Variants in AHCYL2 observed in about 807,000 individuals in gnomAD.
AHCYL2 encodes the protein S-adenosylhomocysteine hydrolase-like protein 2.
Under a neutral mutation model 81.4 loss-of-function variants are expected in AHCYL2, and 28 were observed. That is an observed-to-expected ratio of 0.34 (90% CI 0.25 to 0.47). AHCYL2 has a LOEUF of 0.47. Ranked by LOEUF, AHCYL2 falls within the 20% of genes least tolerant of loss-of-function variation. AHCYL2 has a pLI of 1.00. For synonymous variants in AHCYL2, 272 were observed against 290.2 expected (o/e 0.94, Z 0.64); for missense variants, 551 against 785.1 (o/e 0.70, Z 3.56).
intron 1 of AHCYL2, among the ~76,000 whole-genome samples, chr7:129,262,405 G>A (rs578146462): frequency 1.3e-5 from 2 of 152,322 alleles, no homozygotes; most frequent in East Asian, 3.9e-4. Flanking sequence ...ACAGAGAAAA[G>A]GCAGTATTAG....
chr7:129,250,138 CA>C (rs958053776), intron 1 of AHCYL2, among the ~76,000 whole-genome samples: 38 of 148,266 alleles, frequency 2.6e-4, no homozygotes, highest in African/African-American at 5.9e-4. Context: ...CCATCTCTTC[CA>C]AAAAAAAAAG....
chr7:129,292,757 ACT>A (rs960580423), intron 1 of AHCYL2, among the ~76,000 whole-genome samples: 3 of 151,714 alleles, frequency 2.0e-5, no homozygotes, highest in Non-Finnish European at 2.9e-5. Flanking sequence ...ACAGAGTGAG[ACT>A]CTGTCTTAAA....
chr7:129,256,479 T>C (rs931536440), intron 1 of AHCYL2, among the ~76,000 whole-genome samples: 5 of 150,558 alleles, frequency 3.3e-5, no homozygotes, highest in African/African-American at 4.9e-5. Context: ...TTTGAAAATA[T>C]ACAAAAGGTA....
chr7:129,391,916 A>G (rs968774227), intron 4 of AHCYL2, among the ~76,000 whole-genome samples: 2 of 152,184 alleles, frequency 1.3e-5, no homozygotes, highest in African/African-American at 4.8e-5. Context: ...GGAGCTACAA[A>G]CTAATGAATC....
intron 1 of AHCYL2, among the ~76,000 whole-genome samples, chr7:129,239,837 C>G (rs13235749): frequency 0.25 from 38,387 of 151,438 alleles, 4,951 homozygotes; most frequent in East Asian, 0.42. Flanking sequence ...AGAGACACTT[C>G]CCCCATATAT....
At chr7:129,251,955 T>C (rs757944991) in intron 1 of AHCYL2, among the ~76,000 whole-genome samples, 3 of 152,186 alleles carry the variant, frequency 2.0e-5, no homozygotes, top group Admixed American at 6.6e-5. Context: ...TTTAATCTCT[T>C]CTGTTTATCT....
intron 4 of AHCYL2, among the ~76,000 whole-genome samples, chr7:129,393,153 A>C (rs939994002): frequency 5.3e-5 from 8 of 152,234 alleles, no homozygotes; most frequent in Admixed American, 2.0e-4. Context: ...GTGATGGCTC[A>C]CGCCTGTAAT....
At chr7:129,378,487 C>T (rs1421118419) in intron 1 of AHCYL2, among the ~76,000 whole-genome samples, 2 of 152,120 alleles carry the variant, frequency 1.3e-5, no homozygotes, top group African/African-American at 4.8e-5. Flanking sequence ...CACATTGTCT[C>T]ATTGAACCCT....
intron 1 of AHCYL2, among the ~76,000 whole-genome samples, chr7:129,357,943 A>G (rs530993123): frequency 2.0e-5 from 3 of 150,898 alleles, no homozygotes; most frequent in African/African-American, 7.3e-5. Context: ...CAAAAAAAAA[A>G]AAAAAGAAAG....
chr7:129,426,493 G>C lies in AHCYL2; in HGVS notation c.1759G>C (p.Glu587Gln). The change falls in exon 16 of 17, where the codon GAG becomes CAG. Residue 587 changes from glutamate (E) to glutamine (Q), a missense_variant. Physicochemically the swap from Glu to Gln is conservative, Grantham distance 29. Coordinates refer to ENST00000325006, the MANE Select transcript of AHCYL2 (RefSeq NM_015328.4). This position sits in a 1 kb window ranked among gnomAD's most constrained non-coding sequence, Gnocchi z 4.3. ...HLPTFDAHLT[E>Q]LTDEQAKYLG... The stretch of plus-strand genomic sequence containing the variant: ...GCCTACCTTTGATGCCCACTTGACA[G>C]AGCTGACAGATGAACAGGCCAAGTA... The C allele has an allele frequency of 6.2e-7, 1 of 1,614,104 alleles. No homozygotes were observed. The highest frequency in any genetic ancestry group is 8.5e-7 in the Non-Finnish European group (1 of 1,179,972).
chr7:129,410,322 C>T, intron 11 of AHCYL2: 3 of 1,614,232 alleles, frequency 1.9e-6, no homozygotes, highest in African/African-American at 1.3e-5. Context: ...TCAAACTCTT[C>T]AATGTCATCA....
In AHCYL2 at chr7:129,368,605, A is replaced by G. The variant is rs149028736; in HGVS notation, c.364-11033A>G. On this transcript the variant is annotated intron_variant, in intron 1 of 16. Coordinates refer to ENST00000325006, the MANE Select transcript of AHCYL2 (RefSeq NM_015328.4). This position sits in a 1 kb window ranked among gnomAD's most constrained non-coding sequence, Gnocchi z 4.4. ...TTCTGTTTCTTGATAATGAGAGGCA[A>G]CCATTTCTGACGGGTGACAAGGATC... 2 of 1,596,060 alleles carry G rather than the reference A, an allele frequency of 1.3e-6. No homozygotes were observed. The highest frequency in any genetic ancestry group is 1.3e-5 in the African/African-American group (1 of 74,514).
At chr7:129,403,357 T>C in intron 6 of AHCYL2, 22 bp from the exon 7 acceptor site, 1 of 1,529,618 alleles carries the variant, frequency 6.5e-7, no homozygotes, top group Non-Finnish European at 9.0e-7. Context: ...GTGAATGATG[T>C]TATTGATGCT....
At position 129,406,539 on chromosome 7, in the gene AHCYL2, C is replaced by G; in HGVS notation, c.1295+73C>G. ...AAAGAATGGCCTGGTTGATGCCACACTTTATTTTAGAGGAGCCCAGATCCT... is the reference window on the plus strand; with the variant it reads ...AAAGAATGGCCTGGTTGATGCCACAGTTTATTTTAGAGGAGCCCAGATCCT... On this transcript the variant is annotated intron_variant, in intron 10 of 16. Transcript: ENST00000325006. This position sits in a 1 kb window ranked among gnomAD's most constrained non-coding sequence, Gnocchi z 4.3. 6.9e-7 allele frequency: 1 copy of G among 1,446,188 alleles called. No homozygotes were observed. The highest frequency in any genetic ancestry group is 1.7e-5 in the Admixed American group (1 of 59,592). The allele number at this position is 1,446,188 out of a possible 1,614,324, so 89.6% of individuals were successfully genotyped here.
intron 1 of AHCYL2, among the ~76,000 whole-genome samples, chr7:129,337,870 A>C (rs955452577): frequency 1.3e-5 from 2 of 151,980 alleles, no homozygotes; most frequent in Non-Finnish European, 2.9e-5. Flanking sequence ...CAGCCTCCCA[A>C]GTAGCTGGAA....
At chr7:129,253,172 A>C (rs1351888949) in intron 1 of AHCYL2, among the ~76,000 whole-genome samples, 1 of 151,572 alleles carries the variant, frequency 6.6e-6, no homozygotes, top group Non-Finnish European at 1.5e-5. Flanking sequence ...GTACCACTGC[A>C]CTCCAGCCTG....
In AHCYL2 at chr7:129,305,536, T is replaced by C. The variant is rs548215310; in HGVS notation, c.364-74102T>C. On this transcript the variant is annotated intron_variant, in intron 1 of 16. Coordinates refer to ENST00000325006, the MANE Select transcript of AHCYL2 (RefSeq NM_015328.4). Reference sequence around the variant, plus strand: ...CCCCACTTTCTAATTTTTTGTTGTTTCTATTTATATCTTATTGTACTGTGT... The same window carrying C: ...CCCCACTTTCTAATTTTTTGTTGTTCCTATTTATATCTTATTGTACTGTGT... 2.0e-5 allele frequency among the ~76,000 whole-genome samples: 3 copies of C among 152,334 alleles called. 1 individual carries two copies. In the East Asian group the frequency reaches 5.8e-4, roughly 29 times the overall value.
intron 1 of AHCYL2, among the ~76,000 whole-genome samples, chr7:129,281,464 A>G (rs542034795): frequency 7.0e-4 from 48 of 68,382 alleles, no homozygotes; most frequent in African/African-American, 2.7e-3. Flanking sequence ...GTTGCTTTGT[A>G]TTTTATTAGT....
At chr7:129,262,723 T>C (rs1391181797) in intron 1 of AHCYL2, among the ~76,000 whole-genome samples, 1 of 152,164 alleles carries the variant, frequency 6.6e-6, no homozygotes, top group African/African-American at 2.4e-5. Context: ...TTTCACTTGG[T>C]CATGGCTGGG....
Sources: allele counts gnomAD v4.1 joint callset (sites outside exome capture counted in the v4.1 genomes callset), GRCh38; gene constraint gnomAD v4.1.1; non-coding constraint Gnocchi (gnomAD v3.1); transcripts MANE v1.5; gene names NCBI Gene and HGNC (gene_info 2026-07-23, HGNC 2026-07-21).